CNIH3: variants seen among roughly 807,000 people sequenced by gnomAD.
CNIH3 encodes protein cornichon homolog 3.
In CNIH3, 14 loss-of-function variants were observed where a neutral mutation model predicts 24.1. The ratio of observed to expected loss-of-function variants is 0.58; its 90% confidence interval spans 0.38 to 0.91. CNIH3 has a LOEUF of 0.91. Ranked by LOEUF, CNIH3 falls within the 40% of genes least tolerant of loss-of-function variation. The pLI is 0.00. For synonymous variants in CNIH3, 68 were observed against 73.8 expected (o/e 0.92, Z 0.40); for missense variants, 178 against 196.8 (o/e 0.90, Z 0.57).
chr1:224,489,206 G>A (rs1423817924), intron 1 of CNIH3, among the ~76,000 whole-genome samples: 1 of 151,928 alleles, frequency 6.6e-6, no homozygotes, highest in Non-Finnish European at 1.5e-5. Flanking sequence ...TCCCTGCTGT[G>A]AGTGGTAGCT....
downstream of CNIH3, among the ~76,000 whole-genome samples, chr1:224,591,651 A>T (rs142197370): frequency 6.6e-6 from 1 of 152,220 alleles, no homozygotes; most frequent in East Asian, 1.9e-4. Flanking sequence ...GCCCATTTTT[A>T]TTCTCAGAGG....
chr1:224,725,293 G>T (rs1688961214), intron 3 of CNIH3, among the ~76,000 whole-genome samples: 1 of 152,216 alleles, frequency 6.6e-6, no homozygotes, highest in African/African-American at 2.4e-5. Flanking sequence ...TCACTTTTGA[G>T]AGCACTGTCA....
chr1:224,733,684 G>A (rs1258647350), intron 4 of CNIH3, among the ~76,000 whole-genome samples: 1 of 152,202 alleles, frequency 6.6e-6, no homozygotes, highest in Admixed American at 6.5e-5. Context: ...CAGAGCCCAG[G>A]GAAGCCATTT....
intron 2 of CNIH3, among the ~76,000 whole-genome samples, chr1:224,529,005 T>C (rs951248753): frequency 2.0e-5 from 3 of 152,196 alleles, no homozygotes; most frequent in Non-Finnish European, 2.9e-5. Flanking sequence ...CATCACTGTT[T>C]CATGGACTGT....
intron 4 of CNIH3, among the ~76,000 whole-genome samples, chr1:224,571,188 G>A (rs1447670463): frequency 1.3e-5 from 2 of 152,130 alleles, no homozygotes; most frequent in Admixed American, 1.3e-4. Context: ...TAAACTTTGG[G>A]TTAACCCATC....
chr1:224,679,961 A>T (rs760293533), intron 1 of CNIH3, among the ~76,000 whole-genome samples: 1 of 151,028 alleles, frequency 6.6e-6, no homozygotes, highest in Non-Finnish European at 1.5e-5. Context: ...GGTGCATGCC[A>T]CTATACCCAG....
rs116485993 is a variant in CNIH3 at position 224,666,525 on chromosome 1, T to C, written c.82-14433T>C. 5.6e-3 allele frequency among the ~76,000 whole-genome samples: 855 copies of C among 152,338 alleles called. 7 individuals carry two copies. The highest frequency in any genetic ancestry group is 0.019 in the African/African-American group (803 of 41,566). Reference sequence around the variant, plus strand: ...TATCCTCCTGGTTGGGGCGAGTTTTTCTGCAGGTGATCATTAGAGTGGGCA... The same window carrying C: ...TATCCTCCTGGTTGGGGCGAGTTTTCCTGCAGGTGATCATTAGAGTGGGCA... On this transcript the variant is annotated intron_variant, in intron 1 of 5. Coordinates refer to ENST00000272133, the MANE Select transcript of CNIH3 (RefSeq NM_152495.2).
intron 5 of CNIH3, 72 bp from the exon 6 acceptor site, chr1:224,739,257 C>T: frequency 6.4e-7 from 1 of 1,566,342 alleles, no homozygotes; most frequent in African/African-American, 1.4e-5. Flanking sequence ...TGAGGGGCAG[C>T]CTGAGTCCTC....
At chr1:224,536,029 T>C (rs1341188688) in intron 2 of CNIH3, among the ~76,000 whole-genome samples, 2 of 152,128 alleles carry the variant, frequency 1.3e-5, no homozygotes, top group Admixed American at 6.5e-5. Flanking sequence ...GTGGATGTAG[T>C]TGTAAAAGTC....
At chr1:224,656,890 C>T (rs781301211) in intron 1 of CNIH3, among the ~76,000 whole-genome samples, 8 of 152,106 alleles carry the variant, frequency 5.3e-5, no homozygotes, top group Admixed American at 6.5e-5. Context: ...CCATACATTT[C>T]GAAGGGGCTA....
intron 3 of CNIH3, among the ~76,000 whole-genome samples, chr1:224,595,997 A>G (rs1681962573): frequency 6.6e-6 from 1 of 152,258 alleles, no homozygotes. Context: ...AGGTGAAGCC[A>G]CAAGTGCTGA....
intron 1 of CNIH3, among the ~76,000 whole-genome samples, chr1:224,465,268 C>A (rs1204915102): frequency 2.0e-5 from 3 of 152,344 alleles, no homozygotes; most frequent in Admixed American, 6.5e-5. Flanking sequence ...CACCACCACA[C>A]CTGACTGATT....
At chr1:224,535,213 C>G (rs186836393) in intron 2 of CNIH3, among the ~76,000 whole-genome samples, 6 of 152,052 alleles carry the variant, frequency 3.9e-5, no homozygotes, top group African/African-American at 1.4e-4. Context: ...GTAGACGCAG[C>G]GAGGAGAGCA....
At chr1:224,524,488 A>G (rs1678767591) in intron 2 of CNIH3, among the ~76,000 whole-genome samples, 1 of 152,226 alleles carries the variant, frequency 6.6e-6, no homozygotes, top group Non-Finnish European at 1.5e-5. Flanking sequence ...TGCTATATAC[A>G]GATCACCTTG....
intron 1 of CNIH3, among the ~76,000 whole-genome samples, chr1:224,448,883 C>T (rs1006147755): frequency 6.6e-6 from 1 of 151,868 alleles, no homozygotes; most frequent in African/African-American, 2.4e-5. Context: ...CCAGAGGCCT[C>T]GTGCCTGCCT....
intron 3 of CNIH3, among the ~76,000 whole-genome samples, chr1:224,694,172 G>A (rs1273575851): frequency 1.3e-5 from 2 of 152,204 alleles, no homozygotes; most frequent in African/African-American, 4.8e-5. Flanking sequence ...GACAGCCCAG[G>A]ATGAGCTGAG....
At chr1:224,679,602 G>A (rs1490480703) in intron 1 of CNIH3, among the ~76,000 whole-genome samples, 1 of 152,214 alleles carries the variant, frequency 6.6e-6, no homozygotes, top group Non-Finnish European at 1.5e-5. Flanking sequence ...GTACAGGCTG[G>A]ATAATTATCT....
At chr1:224,544,382 T>G (rs1325339256) in intron 2 of CNIH3, among the ~76,000 whole-genome samples, 2 of 152,204 alleles carry the variant, frequency 1.3e-5, no homozygotes, top group Non-Finnish European at 2.9e-5. Context: ...CCACTGGCAT[T>G]GAGGTCATCA....
intron 2 of CNIH3, among the ~76,000 whole-genome samples, chr1:224,681,643 A>C (rs1453118569): frequency 6.6e-6 from 1 of 152,118 alleles, no homozygotes; most frequent in Non-Finnish European, 1.5e-5. Context: ...CAGGCCCTAC[A>C]TGCTGCCCTT....
Sources: gnomAD v4.1 joint callset for allele counts (sites outside exome capture counted in the v4.1 genomes callset) on GRCh38, gnomAD v4.1.1 for gene constraint, MANE v1.5 for transcripts, NCBI Gene and HGNC (gene_info 2026-07-23, HGNC 2026-07-21) for gene names.